The following SMAD1 variants were observed in gnomAD, a reference collection of about 807,000 sequenced individuals.
SMAD1 encodes the protein MAD, mothers against decapentaplegic homolog 1.
A neutral mutation model predicts 41.6 loss-of-function variants in SMAD1; 6 were observed. The observed-to-expected ratio is 0.14, with a 90% confidence interval of 0.08 to 0.28. The LOEUF (loss-of-function observed/expected upper bound fraction) is 0.28. Among genes scored for constraint, SMAD1 ranks in the 10% least tolerant of loss-of-function variants. SMAD1 has a pLI of 1.00. For missense variants in SMAD1, 379 were observed against 582.6 expected, an observed-to-expected ratio of 0.65 and a Z score of 3.60; for synonymous variants, 206 against 203.2, an observed-to-expected ratio of 1.01 and a Z score of -0.12.
chr4:145,546,625 C>A, intron 4 of SMAD1, 78 bp from the exon 5 acceptor site: 1 of 984,556 alleles, frequency 1.0e-6, no homozygotes, highest in Non-Finnish European at 1.6e-6. Context: ...TGATCCTGAG[C>A]CAATTCAACA....
intron 1 of SMAD1, among the ~76,000 whole-genome samples, chr4:145,511,255 A>G (rs922259589): frequency 6.6e-6 from 1 of 151,742 alleles, no homozygotes; most frequent in Non-Finnish European, 1.5e-5. Flanking sequence ...TCCTTTTCAT[A>G]TGTTTTGCAT....
chr4:145,529,892 A>T (rs375730229), intron 2 of SMAD1, among the ~76,000 whole-genome samples: 2 of 152,116 alleles, frequency 1.3e-5, no homozygotes, highest in South Asian at 2.1e-4. Flanking sequence ...TTGACTTGTT[A>T]TATCTGGGAT....
At position 145,528,061 on chromosome 4, in the gene SMAD1, AC is replaced by A. The variant is rs1731124147; in HGVS notation, c.401-11742del. Among the ~76,000 whole-genome samples, 34 of 59,052 alleles carry A rather than the reference AC, an allele frequency of 5.8e-4. No individual in the cohort carries two copies. In the African/African-American group the frequency reaches 6.1e-3, roughly 11 times the overall value. 38.7% of individuals were successfully genotyped at this position (59,052 alleles called of 152,430 possible). A position where few individuals can be genotyped will look rare whatever the true frequency, so the allele number is the denominator to read the frequency against. On this transcript the variant is annotated intron_variant, in intron 2 of 6. Transcript: ENST00000302085. ...ACTCTCGGCTAATTTTTTTGTTTGT[AC>A]ACACACACACACACACACACACACA...
chr4:145,527,962 G>T (rs1181291368), intron 2 of SMAD1, among the ~76,000 whole-genome samples: 1 of 150,788 alleles, frequency 6.6e-6, no homozygotes, highest in Non-Finnish European at 1.5e-5. Context: ...TCCCCGCCCC[G>T]GCCCCGGCCC....
chr4:145,515,668 T>G (rs901734179), intron 2 of SMAD1, among the ~76,000 whole-genome samples: 2 of 152,250 alleles, frequency 1.3e-5, no homozygotes, highest in African/African-American at 4.8e-5. Flanking sequence ...AAGGATATAT[T>G]TTAAAATTTA....
chr4:145,489,126 A>T lies in SMAD1; in HGVS notation c.-177+7088A>T, dbSNP rs186166088. On this transcript the variant is annotated intron_variant, in intron 1 of 6. Coordinates refer to ENST00000302085, the MANE Select transcript of SMAD1 (RefSeq NM_005900.3). Reference sequence around the variant, plus strand: ...AGCCACACATGGAACAGCATTTTTTAAAAAATTAATTTATGTTTCAGTAGC... The same window carrying T: ...AGCCACACATGGAACAGCATTTTTTTAAAAATTAATTTATGTTTCAGTAGC... 9.3e-4 allele frequency among the ~76,000 whole-genome samples: 142 copies of T among 152,326 alleles called. 1 individual carries two copies. Among genetic ancestry groups the T allele is most frequent in the African/African-American group, 3.2e-3 (132 of 41,568 alleles).
At chr4:145,485,503 T>G (rs961212089) in intron 1 of SMAD1, among the ~76,000 whole-genome samples, 2 of 152,332 alleles carry the variant, frequency 1.3e-5, no homozygotes, top group African/African-American at 4.8e-5. Context: ...GTATATAGAA[T>G]AGTTCCATCA....
rs992671753 is a variant in SMAD1 at position 145,553,567 on chromosome 4, T to A, written c.998-217T>A. 3.3e-5 allele frequency among the ~76,000 whole-genome samples: 5 copies of A among 152,104 alleles called. 1 individual carries two copies. The highest frequency in any genetic ancestry group is 5.9e-5 in the Non-Finnish European group (4 of 68,000). On this transcript the variant is annotated intron_variant, in intron 5 of 6. Coordinates refer to ENST00000302085, the MANE Select transcript of SMAD1 (RefSeq NM_005900.3). ...AGGCTGTAATGCTTGCTCACTCACCTCCTGCTATGTGGCCTGGTTTCTAAC... is the reference window on the plus strand; with the variant it reads ...AGGCTGTAATGCTTGCTCACTCACCACCTGCTATGTGGCCTGGTTTCTAAC...
chr4:145,555,569 C>T (rs1732794290), intron 6 of SMAD1, among the ~76,000 whole-genome samples: 1 of 152,136 alleles, frequency 6.6e-6, no homozygotes, highest in African/African-American at 2.4e-5. Context: ...TTTAATGTTC[C>T]AATTAGCTTT....
intron 1 of SMAD1, chr4:145,497,413 A>G (rs1432041130): frequency 6.6e-6 from 1 of 152,162 alleles, no homozygotes; most frequent in South Asian, 2.1e-4. Context: ...GTACCATATG[A>G]TATGGTTCTC....
chr4:145,532,520 A>G (rs778653810), intron 2 of SMAD1, among the ~76,000 whole-genome samples: 4 of 152,236 alleles, frequency 2.6e-5, no homozygotes, highest in Non-Finnish European at 2.9e-5. Flanking sequence ...AAGGACATAC[A>G]TGGTCTGATT....
intron 5 of SMAD1, among the ~76,000 whole-genome samples, chr4:145,547,982 C>T (rs1732341858): frequency 6.6e-6 from 1 of 152,086 alleles, no homozygotes; most frequent in Admixed American, 6.6e-5. Flanking sequence ...AATACCATGT[C>T]CCACTAAAAG....
At chr4:145,528,800 G>A (rs1404612451) in intron 2 of SMAD1, among the ~76,000 whole-genome samples, 1 of 152,198 alleles carries the variant, frequency 6.6e-6, no homozygotes, top group African/African-American at 2.4e-5. Context: ...CTTGTGCAAC[G>A]TTGAGAGACA....
chr4:145,516,122 C>G (rs1021653428), intron 2 of SMAD1, among the ~76,000 whole-genome samples: 21 of 152,086 alleles, frequency 1.4e-4, no homozygotes, highest in Admixed American at 9.2e-4. Context: ...AACTGGAACC[C>G]CTGTTTTTGC....
intron 2 of SMAD1, among the ~76,000 whole-genome samples, chr4:145,537,075 G>C (rs1414128112): frequency 1.3e-5 from 2 of 152,152 alleles, no homozygotes; most frequent in African/African-American, 4.8e-5. Flanking sequence ...AACTATTCCA[G>C]ATTACAGGAC....
intron 2 of SMAD1, among the ~76,000 whole-genome samples, chr4:145,527,546 C>T (rs760070434): frequency 2.0e-5 from 3 of 152,054 alleles, no homozygotes; most frequent in Non-Finnish European, 4.4e-5. Flanking sequence ...ATTCTAACAA[C>T]GACTGCCGGA....
At chr4:145,507,943 T>G (rs1343869032) in intron 1 of SMAD1, among the ~76,000 whole-genome samples, 2 of 152,148 alleles carry the variant, frequency 1.3e-5, no homozygotes, top group Non-Finnish European at 2.9e-5. Flanking sequence ...TAAAAATTAG[T>G]CATCAGCCTG....
Position 145,514,653 on chromosome 4 carries a change from G to A in SMAD1, c.40G>A (p.Val14Met), listed in dbSNP as rs764152098. The part of the protein sequence containing the change: ...TSLFSFTSPA[V>M]KRLLGWKQGD... ...TTTATTTTCCTTTACAAGTCCAGCT[G>A]TGAAGAGACTTCTTGGGTGGAAACA... The change falls in exon 2 of 7, where the codon GTG becomes ATG. Residue 14 changes from valine (V) to methionine (M), a missense_variant. Val to Met is a conservative substitution (Grantham distance 21, BLOSUM62 1). Transcript: ENST00000302085. The surrounding 1 kb of genome is among the most constrained non-coding windows in gnomAD (Gnocchi z 4.7). 1.2e-5 allele frequency: 19 copies of A among 1,613,048 alleles called. No individual in the cohort carries two copies. The highest frequency in any genetic ancestry group is 6.7e-5 in the Admixed American group (4 of 59,756).
intron 4 of SMAD1, among the ~76,000 whole-genome samples, chr4:145,543,786 C>T (rs1443080370): frequency 2.0e-5 from 3 of 152,208 alleles, no homozygotes; most frequent in Admixed American, 1.3e-4. Context: ...AATAAAACTG[C>T]TCCTAAATAA....
Sources: allele counts gnomAD v4.1 joint callset (sites outside exome capture counted in the v4.1 genomes callset), GRCh38; gene constraint gnomAD v4.1.1; non-coding constraint Gnocchi (gnomAD v3.1); transcripts MANE v1.5; gene names NCBI Gene and HGNC (gene_info 2026-07-23, HGNC 2026-07-21).